ZNF263: variants seen among roughly 807,000 people sequenced by gnomAD.
ZNF263 encodes the protein zinc finger protein FPM315.
A neutral mutation model predicts 63.1 loss-of-function variants in ZNF263; 49 were observed. That is an observed-to-expected ratio of 0.78 (90% CI 0.62 to 0.99). The LOEUF (loss-of-function observed/expected upper bound fraction) is 0.99. Ranked by LOEUF, ZNF263 falls within the 50% of genes least tolerant of loss-of-function variation. ZNF263 has a pLI of 0.00. For missense variants in ZNF263, 872 were observed against 854.8 expected, an observed-to-expected ratio of 1.02 and a Z score of -0.25; for synonymous variants, 352 against 324.2, an observed-to-expected ratio of 1.09 and a Z score of -0.92.
chr16:3,285,755 G>A lies in ZNF263; in HGVS notation c.642+1G>A. The A allele has an allele frequency of 6.2e-7, 1 of 1,614,126 alleles. No homozygotes were observed. Among genetic ancestry groups the A allele is most frequent in the South Asian group, 1.1e-5 (1 of 91,084 alleles). On this transcript the variant is annotated splice_donor_variant, in intron 3 of 5. Transcript: ENST00000219069. LOFTEE classifies it high-confidence loss of function. ...AGACAAGGAGATGACTGGGCCCCAG[G>A]TGATGTGGAAGTTTCCATTGTCTCC...
At chr16:3,284,696 G>A (rs548028899) in intron 1 of ZNF263, among the ~76,000 whole-genome samples, 1 of 152,282 alleles carries the variant, frequency 6.6e-6, no homozygotes, top group Admixed American at 6.5e-5. Context: ...TCCGTTAATT[G>A]TGAACTTTGA....
chr16:3,288,542 G>T lies in ZNF263; in HGVS notation c.858G>T (p.Glu286Asp), dbSNP rs966505556. 1 of 1,612,002 alleles carries T rather than the reference G, an allele frequency of 6.2e-7. No individual in the cohort carries two copies. The highest frequency in any genetic ancestry group is 8.5e-7 in the Non-Finnish European group (1 of 1,179,148). ...ATCCCAGTGTCCAGAGCTGCAAGGA[G>T]GGCCTGAGCCCCAGAGGCCCAGCTC... ...LWDPSVQSCK[E>D]GLSPRGPAPG... The change falls in exon 5 of 6, where the codon GAG (glutamate) becomes GAT (aspartate). Residue 286 changes from glutamate to aspartate, a missense_variant. Transcript: ENST00000219069.
Position 3,290,421 on chromosome 16 carries a change from A to G in ZNF263, c.1915A>G (p.Ser639Gly), listed in dbSNP as rs768223253. The change falls in exon 6 of 6, where the codon AGC becomes GGC. Residue 639 changes from serine (S) to glycine (G), a missense_variant. Coordinates refer to ENST00000219069, the MANE Select transcript of ZNF263 (RefSeq NM_005741.5). ...CTATACCTGTCATGAGTGCGGAGAC[A>G]GCTTCTCTCACAGCTCCAATCGGAT... The part of the protein sequence containing the change: ...KPYTCHECGD[S>G]FSHSSNRIRH... The G allele has an allele frequency of 6.2e-7, 1 of 1,614,078 alleles. No individual in the cohort carries two copies. The highest frequency in any genetic ancestry group is 8.5e-7 in the Non-Finnish European group (1 of 1,180,040).
At chr16:3,293,454 G>A (rs1596374988), downstream of ZNF263, 2 of 152,270 alleles carry the variant, frequency 1.3e-5, no homozygotes, top group East Asian at 3.8e-4. Flanking sequence ...GTCACTGCAA[G>A]AGATGTCCAA....
Position 3,290,653 on chromosome 16 carries a change from C to A in ZNF263, c.*95C>A. On this transcript the variant is annotated 3_prime_UTR_variant, in exon 6 of 6. Coordinates refer to ENST00000219069, the MANE Select transcript of ZNF263 (RefSeq NM_005741.5). Reference sequence around the variant, plus strand: ...ATTCCCTGCCCAGCCGACCAAATGACCTCTGCATTCTTCAGGTAATGGGGG... The same window carrying A: ...ATTCCCTGCCCAGCCGACCAAATGAACTCTGCATTCTTCAGGTAATGGGGG... 6.7e-7 allele frequency: 1 copy of A among 1,482,494 alleles called. No homozygotes were observed. The allele number at this position is 1,482,494 out of a possible 1,614,324, so 91.8% of individuals were successfully genotyped here.
chr16:3,299,929 A>G lies in ZNF263; in HGVS notation c.*46+773A>G, dbSNP rs374875213. ...ACTTTTGGGCAGTTTTGATTTTCCAATAATGATTGACTTTAATTTATGAGT... is the reference window on the plus strand; with the variant it reads ...ACTTTTGGGCAGTTTTGATTTTCCAGTAATGATTGACTTTAATTTATGAGT... On this transcript the variant is annotated intron_variant, in intron 2 of 2. Coordinates refer to the ZNF263 transcript ENST00000574674. 7.4e-6 allele frequency: 12 copies of G among 1,612,644 alleles called. No individual in the cohort carries two copies. Among genetic ancestry groups the G allele is most frequent in the East Asian group, 2.2e-5 (1 of 44,894 alleles).
rs779487693 is a variant in ZNF263, at chr16:3,289,373, G to C, written c.887-20G>C. 3.7e-5 allele frequency: 56 copies of C among 1,506,954 alleles called. No homozygotes were observed. Among genetic ancestry groups the C allele is most frequent in the Middle Eastern group, 1.8e-4 (1 of 5,588 alleles). 93.3% of individuals were successfully genotyped at this position (1,506,954 alleles called of 1,614,324 possible). The stretch of plus-strand genomic sequence containing the variant: ...CAGCATAGAAATAATGTACGGGTTT[G>C]GTTTCTCTCTCTCTACCAGGAGAAG... On this transcript the variant is annotated intron_variant, in intron 5 of 5. Transcript: ENST00000219069.
intron 1 of ZNF263, chr16:3,298,683 C>T (rs546851790): frequency 5.5e-5 from 12 of 219,178 alleles, no homozygotes; most frequent in African/African-American, 2.0e-4. Context: ...CTTTGTTATA[C>T]GATATGATTA....
Position 3,289,805 on chromosome 16 carries a change from C to G in ZNF263, c.1299C>G (p.Ala433=). Reference sequence around the variant, plus strand: ...ACAGAGCACACCTGGGAGAGGAGGCCCACAAGTGCCTTGAATGTGGGAAAT... The same window carrying G: ...ACAGAGCACACCTGGGAGAGGAGGCGCACAAGTGCCTTGAATGTGGGAAAT... The part of the protein sequence containing the change: ...SLHRAHLGEE[A]HKCLECGKCF... The change falls in exon 6 of 6, where the codon GCC becomes GCG. Residue 433 remains alanine (A), a synonymous_variant. Transcript: ENST00000219069. 1 of 1,614,216 alleles carries G rather than the reference C, an allele frequency of 6.2e-7. No individual in the cohort carries two copies. The highest frequency in any genetic ancestry group is 8.5e-7 in the Non-Finnish European group (1 of 1,180,042).
chr16:3,292,573 T>C (rs1246016583), downstream of ZNF263, among the ~76,000 whole-genome samples: 4 of 152,186 alleles, frequency 2.6e-5, no homozygotes, highest in Non-Finnish European at 5.9e-5. Context: ...CTGGTGTTCC[T>C]ACAAAGCACT....
In ZNF263 at chr16:3,289,897, G is replaced by C; in HGVS notation, c.1391G>C (p.Cys464Ser). The C allele has an allele frequency of 6.2e-7, 1 of 1,614,160 alleles. No individual in the cohort carries two copies. The highest frequency in any genetic ancestry group is 1.7e-5 in the Admixed American group (1 of 60,020). Residue 464 changes from cysteine (C) to serine (S), a missense_variant, in exon 6 of 6, where the codon TGC becomes TCC. Physicochemically the swap from Cys to Ser is moderately radical, Grantham distance 112. Coordinates refer to ENST00000219069, the MANE Select transcript of ZNF263 (RefSeq NM_005741.5). ...RTHTGEKPYQ[C>S]NICGKCFSCN... Reference sequence around the variant, plus strand: ...CACACGGGTGAGAAGCCCTATCAGTGCAACATTTGCGGAAAATGTTTCTCC... The same window carrying C: ...CACACGGGTGAGAAGCCCTATCAGTCCAACATTTGCGGAAAATGTTTCTCC...
intron 1 of ZNF263, among the ~76,000 whole-genome samples, chr16:3,298,301 G>A (rs1482826707): frequency 1.3e-5 from 2 of 152,148 alleles, no homozygotes; most frequent in Admixed American, 6.5e-5. Context: ...TATTTGAAAA[G>A]GGAAGTCATT....
chr16:3,291,673 G>C (rs1959616450), downstream of ZNF263, among the ~76,000 whole-genome samples: 1 of 152,202 alleles, frequency 6.6e-6, no homozygotes, highest in Non-Finnish European at 1.5e-5. Context: ...CAAGCCAAAT[G>C]GCTGCTGGGG....
Position 3,290,705 on chromosome 16 carries a change from G to GC in ZNF263, c.*148dup. 1 of 1,432,778 alleles carries GC rather than the reference G, an allele frequency of 7.0e-7. No homozygotes were observed. The highest frequency in any genetic ancestry group is 9.1e-7 in the Non-Finnish European group (1 of 1,099,264). 88.8% of individuals were successfully genotyped at this position (1,432,778 alleles called of 1,614,324 possible). On this transcript the variant is annotated 3_prime_UTR_variant, in exon 6 of 6. Coordinates refer to ENST00000219069, the MANE Select transcript of ZNF263 (RefSeq NM_005741.5). Reference sequence around the variant, plus strand: ...TCATTGTGAGGGAGGTGCAGAGGCAGCAGAGGATTGGCATAAAACTGAAAA... The same window carrying GC: ...TCATTGTGAGGGAGGTGCAGAGGCAGCCAGAGGATTGGCATAAAACTGAAAA...
At chr16:3,296,623 G>GT (rs1160451770) in intron 1 of ZNF263, among the ~76,000 whole-genome samples, 1 of 152,186 alleles carries the variant, frequency 6.6e-6, no homozygotes, top group Non-Finnish European at 1.5e-5. Context: ...TAAACTGAAT[G>GT]TAAAAAGGAT....
rs1312057471 is a variant in ZNF263, at chr16:3,299,204, G to A, written c.*46+48G>A. 9 of 1,603,228 alleles carry A rather than the reference G, an allele frequency of 5.6e-6. No homozygotes were observed. In the East Asian group the frequency reaches 1.8e-4, roughly 32 times the overall value. Reference sequence around the variant, plus strand: ...GCAGATAATTTAAATTCAGCAGTCTGCTTCTCAGCTTCTCCTCCTTTTTGA... The same window carrying A: ...GCAGATAATTTAAATTCAGCAGTCTACTTCTCAGCTTCTCCTCCTTTTTGA... On this transcript the variant is annotated intron_variant, in intron 2 of 2. Coordinates refer to the ZNF263 transcript ENST00000574674.
At chr16:3,289,342 T>G in intron 5 of ZNF263, 51 bp from the exon 6 acceptor site, 1 of 1,485,394 alleles carries the variant, frequency 6.7e-7, no homozygotes, top group Non-Finnish European at 8.9e-7. Flanking sequence ...GGGATTTTCT[T>G]TTCTCCAGCA....
In ZNF263 at chr16:3,284,263, A is replaced by G. The variant is rs1006660633; in HGVS notation, c.387+58A>G. The G allele has an allele frequency of 1.4e-5, 20 of 1,447,906 alleles. No individual in the cohort carries two copies. The South Asian group carries it at 2.7e-4, about 19-fold the overall frequency. 89.7% of individuals were successfully genotyped at this position (1,447,906 alleles called of 1,614,324 possible). On this transcript the variant is annotated intron_variant, in intron 1 of 5. Coordinates refer to ENST00000219069, the MANE Select transcript of ZNF263 (RefSeq NM_005741.5). The stretch of plus-strand genomic sequence containing the variant: ...TTTGTTTAGCCCTGAGCACTGGGAC[A>G]TTGCGCCCCCGGTCGAATTCAAGTA...
rs1417676900 is a variant in ZNF263, at chr16:3,300,692, A to AT, written c.*47-215dup. 2.0e-6 allele frequency: 3 copies of AT among 1,507,842 alleles called. No individual in the cohort carries two copies. In the African/African-American group the frequency reaches 4.2e-5, roughly 21 times the overall value. The allele number at this position is 1,507,842 out of a possible 1,614,324, so 93.4% of individuals were successfully genotyped here. On this transcript the variant is annotated intron_variant, in intron 2 of 2. Transcript: ENST00000574674. The stretch of plus-strand genomic sequence containing the variant: ...ATGAATTGGCAAAAAAAAAACCCAC[A>AT]TTTTTTAAACAAAACTTAGCTGAAA...
Sources: allele counts gnomAD v4.1 joint callset (sites outside exome capture counted in the v4.1 genomes callset), GRCh38; gene constraint gnomAD v4.1.1; transcripts MANE v1.5; gene names NCBI Gene and HGNC (gene_info 2026-07-23, HGNC 2026-07-21).